TGFBRAP1: variants seen among roughly 807,000 people sequenced by gnomAD.
TGFBRAP1 encodes the protein transforming growth factor beta receptor associated protein 1, also known as transforming growth factor-beta receptor-associated protein 1.
TGFBRAP1 carries 20 observed loss-of-function variants against 83.2 expected under a neutral mutation model. The observed-to-expected ratio is 0.24, with a 90% CI of 0.17 to 0.35. TGFBRAP1 has a LOEUF of 0.35. Among genes scored for constraint, TGFBRAP1 ranks in the 10% least tolerant of loss-of-function variants. The pLI is 1.00. For missense variants in TGFBRAP1, 950 were observed against 1,099.4 expected (o/e 0.86, Z 1.92); for synonymous variants, 415 against 459.8 (o/e 0.90, Z 1.25).
chr2:105,309,329 C>T (rs1029414748), intron 1 of TGFBRAP1, among the ~76,000 whole-genome samples: 1 of 152,190 alleles, frequency 6.6e-6, no homozygotes, highest in Non-Finnish European at 1.5e-5. Context: ...GCTGGGCTTG[C>T]GTCAGCACTG....
Position 105,280,375 on chromosome 2 carries a change from C to T in TGFBRAP1, c.1463+7G>A, listed in dbSNP as rs1558633531. On this transcript the variant is annotated splice_region_variant and intron_variant, in intron 6 of 11. Transcript: ENST00000393359. Reference sequence around the variant, plus strand: ...AGCCCTGATCATATCAGGAAGGGAACACTCACTTTTTGTGCTTCTCTAGCC... The same window carrying T: ...AGCCCTGATCATATCAGGAAGGGAATACTCACTTTTTGTGCTTCTCTAGCC... 1.2e-6 allele frequency: 2 copies of T among 1,610,898 alleles called. No individual in the cohort carries two copies. Among genetic ancestry groups the T allele is most frequent in the East Asian group, 2.2e-5 (1 of 44,836 alleles).
At chr2:105,284,879 A>C (rs1206205648) in intron 4 of TGFBRAP1, among the ~76,000 whole-genome samples, 2 of 152,168 alleles carry the variant, frequency 1.3e-5, no homozygotes, top group African/African-American at 4.8e-5. Flanking sequence ...CCTGCTGGTG[A>C]CGTCCAACCC....
Position 105,273,648 on chromosome 2 carries a change from G to T in TGFBRAP1, c.1708C>A (p.Gln570Lys), listed in dbSNP as rs1280905890. ...VFTKRPLDEQ[Q>K]KNSFNPDDII... ...TCGTCTGGATTAAAACTGTTCTTCT[G>T]CTGTTCATCCAAAGGTCTCTTGGTG... Residue 570 changes from glutamine to lysine, a missense_variant, in exon 9 of 12, where the codon CAG becomes AAG. Physicochemically the swap from Gln to Lys is moderately conservative, Grantham distance 53. Coordinates refer to ENST00000393359, the MANE Select transcript of TGFBRAP1 (RefSeq NM_004257.6). 1.5e-5 allele frequency: 24 copies of T among 1,614,014 alleles called. 1 individual carries two copies. Among genetic ancestry groups the T allele is most frequent in the South Asian group, 1.4e-4 (13 of 91,078 alleles).
intron 2 of TGFBRAP1, among the ~76,000 whole-genome samples, chr2:105,302,600 T>C (rs957752379): frequency 6.6e-6 from 1 of 152,074 alleles, no homozygotes; most frequent in Non-Finnish European, 1.5e-5. Flanking sequence ...GATACAAATA[T>C]TTACATATTT....
At position 105,298,717 on chromosome 2, in the gene TGFBRAP1, A is replaced by G. The variant is rs778471368; in HGVS notation, c.689-12T>C. On this transcript the variant is annotated splice_polypyrimidine_tract_variant and intron_variant, in intron 2 of 11. Transcript: ENST00000393359. ...TGTGGCAAACATGCCTAGAAGTAAG[A>G]AGAAAGAGTTAGGTAGGCTTCCAAA... is the stretch of plus-strand genomic sequence containing the variant. 7.1e-6 allele frequency: 11 copies of G among 1,559,816 alleles called. No individual in the cohort carries two copies. Among genetic ancestry groups the G allele is most frequent in the Non-Finnish European group, 8.7e-6 (10 of 1,146,544 alleles).
intron 6 of TGFBRAP1, among the ~76,000 whole-genome samples, chr2:105,279,669 G>A (rs1677465165): frequency 4.6e-5 from 7 of 152,102 alleles, no homozygotes; most frequent in Admixed American, 4.6e-4. Context: ...TAACTAAAAT[G>A]CACTGTAAAT....
rs1678238071 is a variant in TGFBRAP1, at chr2:105,300,232, A to AT, written c.689-1528dup. Among the ~76,000 whole-genome samples, 3 of 152,256 alleles carry AT rather than the reference A, an allele frequency of 2.0e-5. No homozygotes were observed. In the South Asian group the frequency reaches 6.2e-4, roughly 32 times the overall value. On this transcript the variant is annotated intron_variant, in intron 2 of 11. Transcript: ENST00000393359. ...ACTATGCTGAAGATAGAATCTGTAT[A>AT]TAGGTACTGTGTGATAGGCGTTACA...
chr2:105,313,583 T>C lies in TGFBRAP1; in HGVS notation c.-17-5265A>G, dbSNP rs576707058. On this transcript the variant is annotated intron_variant, in intron 1 of 11. Transcript: ENST00000393359. Reference sequence around the variant, plus strand: ...TCCTTACTTTATTTTATGAAAGTAGTAGAAAGTAAAACTTTGATATTCAAG... The same window carrying C: ...TCCTTACTTTATTTTATGAAAGTAGCAGAAAGTAAAACTTTGATATTCAAG... Among the ~76,000 whole-genome samples the C allele has an allele frequency of 2.6e-5, 4 of 152,284 alleles. No individual in the cohort carries two copies. The South Asian group carries it at 8.3e-4, about 32-fold the overall frequency.
rs72823843 is a variant in TGFBRAP1 at position 105,273,105 on chromosome 2, C to T, written c.1813-91G>A. The T allele has an allele frequency of 5.3e-3, 7,890 of 1,500,656 alleles. 356 individuals carry two copies. The African/African-American group carries it at 0.092, about 18-fold the overall frequency. The allele number at this position is 1,500,656 out of a possible 1,614,324, so 93.0% of individuals were successfully genotyped here. A position where few individuals can be genotyped will look rare whatever the true frequency, so the allele number is the denominator to read the frequency against. On this transcript the variant is annotated intron_variant, in intron 9 of 11. Transcript: ENST00000393359. Reference sequence around the variant, plus strand: ...CCTGTCAGCCAGGGCTTGGAGACCGCGGCTGCACTGACATGAGCTGGGCAG... The same window carrying T: ...CCTGTCAGCCAGGGCTTGGAGACCGTGGCTGCACTGACATGAGCTGGGCAG...
At position 105,302,713 on chromosome 2, in the gene TGFBRAP1, G is replaced by A. The variant is rs556906065; in HGVS notation, c.689-4008C>T. On this transcript the variant is annotated intron_variant, in intron 2 of 11. Coordinates refer to ENST00000393359, the MANE Select transcript of TGFBRAP1 (RefSeq NM_004257.6). ...AGCTGTGAGCTTAGACCTCTTTGACGATATCTTGCTGTATCCGTCTGTCTT... is the reference window on the plus strand; with the variant it reads ...AGCTGTGAGCTTAGACCTCTTTGACAATATCTTGCTGTATCCGTCTGTCTT... 1.7e-4 allele frequency among the ~76,000 whole-genome samples: 26 copies of A among 152,290 alleles called. No individual in the cohort carries two copies. In the South Asian group the frequency reaches 2.9e-3, roughly 17 times the overall value.
At chr2:105,315,560 A>C (rs574591891) in intron 1 of TGFBRAP1, among the ~76,000 whole-genome samples, 1 of 152,238 alleles carries the variant, frequency 6.6e-6, no homozygotes, top group East Asian at 1.9e-4. Flanking sequence ...AAATGACTCA[A>C]ACACTTCACA....
chr2:105,249,938 G>T, the TGFBRAP1 span: 1 of 152,268 alleles, frequency 6.6e-6, no homozygotes, highest in Non-Finnish European at 1.5e-5. Context: ...GCATGCAAAA[G>T]TATGGTGTGT....
intron 1 of TGFBRAP1, among the ~76,000 whole-genome samples, chr2:105,323,628 T>C (rs1432416045): frequency 6.6e-6 from 1 of 152,096 alleles, no homozygotes; most frequent in Admixed American, 6.5e-5. Flanking sequence ...AAGGCAAACC[T>C]TGCCAGCAAT....
At position 105,284,402 on chromosome 2, in the gene TGFBRAP1, C is replaced by T; in HGVS notation, c.1039-4G>A. 6.2e-7 allele frequency: 1 copy of T among 1,613,752 alleles called. No individual in the cohort carries two copies. The highest frequency in any genetic ancestry group is 8.5e-7 in the Non-Finnish European group (1 of 1,179,734). On this transcript the variant is annotated splice_region_variant and splice_polypyrimidine_tract_variant and intron_variant, in intron 4 of 11. Transcript: ENST00000393359. ...GCAGAATCCTTCTGTACATTACCTG[C>T]AAGGAAAGACGGGTGTAATCTCTTA...
chr2:105,278,066 ATATGTGTGTGTG>A lies in TGFBRAP1; in HGVS notation c.1464-407_1464-396del, dbSNP rs1277155101. 7.0e-5 allele frequency among the ~76,000 whole-genome samples: 8 copies of A among 113,786 alleles called. 1 individual carries two copies. The highest frequency in any genetic ancestry group is 2.8e-4 in the African/African-American group (8 of 28,582). 74.6% of individuals were successfully genotyped at this position (113,786 alleles called of 152,430 possible). ...GGAGTGAGACCCTGTCTCAAAAAATATATGTGTGTGTGTGTGTGTGTGTGTGTGTGTGTGTGT... is the reference window on the plus strand; with the variant it reads ...GGAGTGAGACCCTGTCTCAAAAAATATGTGTGTGTGTGTGTGTGTGTGTGT... On this transcript the variant is annotated intron_variant, in intron 6 of 11. Coordinates refer to ENST00000393359, the MANE Select transcript of TGFBRAP1 (RefSeq NM_004257.6).
At chr2:105,302,009 T>TAAAAAAAAAAAAAAAAAAAAAAACA (rs35548542) in intron 2 of TGFBRAP1, among the ~76,000 whole-genome samples, 2 of 75,106 alleles carry the variant, frequency 2.7e-5, no homozygotes, top group Non-Finnish European at 5.2e-5. Context: ...TAAAGAATAC[T>TAAAAAAAAAAAAAAAAAAAAAAACA]AAAAAAAAAA....
chr2:105,271,455 C>T (rs1474563337), intron 10 of TGFBRAP1, among the ~76,000 whole-genome samples: 1 of 152,206 alleles, frequency 6.6e-6, no homozygotes, highest in Non-Finnish European at 1.5e-5. Flanking sequence ...AGAGATTGCA[C>T]AGCGGATCGC....
At chr2:105,290,193 C>A (rs1220546117) in intron 4 of TGFBRAP1, among the ~76,000 whole-genome samples, 2 of 152,114 alleles carry the variant, frequency 1.3e-5, no homozygotes, top group Non-Finnish European at 2.9e-5. Context: ...CAGCCTCCTG[C>A]GTAGCTGGAA....
At chr2:105,315,317 A>G (rs1452436216) in intron 1 of TGFBRAP1, among the ~76,000 whole-genome samples, 2 of 152,226 alleles carry the variant, frequency 1.3e-5, no homozygotes, top group Non-Finnish European at 2.9e-5. Context: ...CACAGAACAT[A>G]GCATAGTCAA....
Sources: allele counts gnomAD v4.1 joint callset (sites outside exome capture counted in the v4.1 genomes callset), GRCh38; gene constraint gnomAD v4.1.1; transcripts MANE v1.5; gene names NCBI Gene and HGNC (gene_info 2026-07-23, HGNC 2026-07-21).